Variants in ATP11C observed in about 807,000 individuals in gnomAD.
ATP11C encodes the protein ATPase phospholipid transporting 11C (ATP11C blood group), also known as phospholipid-transporting ATPase IG.
In ATP11C, 36 loss-of-function variants were observed where a neutral mutation model predicts 97.4. That is an observed-to-expected ratio of 0.37 (90% CI 0.28 to 0.49). The LOEUF is 0.49. Ranked by LOEUF, ATP11C falls within the 20% of genes least tolerant of loss-of-function variation. ATP11C has a pLI of 0.98. For missense variants in ATP11C, 730 were observed against 824.6 expected (o/e 0.89, Z 1.40); for synonymous variants, 275 against 290.9 (o/e 0.95, Z 0.56).
intron 12 of ATP11C, 49 bp from the exon 13 acceptor site, chrX:139,789,537 AT>A (rs1453681481): frequency 9.6e-7 from 1 of 1,042,003 alleles, no homozygotes; most frequent in Non-Finnish European, 1.3e-6. Context: ...AGTGTGACTA[AT>A]TTTTAGTTTG....
At chrX:139,845,972 T>C (rs1360500539) in intron 1 of ATP11C, among the ~76,000 whole-genome samples, 1 of 112,142 alleles carries the variant, frequency 8.9e-6, no homozygotes, top group Non-Finnish European at 1.9e-5. Context: ...ATCGCTCAGA[T>C]TGTTGTGTGG....
At chrX:139,747,527 G>C (rs1026614082) in intron 24 of ATP11C, among the ~76,000 whole-genome samples, 6 of 111,587 alleles carry the variant, frequency 5.4e-5, no homozygotes, top group African/African-American at 1.6e-4. Flanking sequence ...AGGTATACCA[G>C]AACCCTTTCT....
intron 5 of ATP11C, among the ~76,000 whole-genome samples, chrX:139,807,953 TAA>T (rs60059544): frequency 5.1e-4 from 39 of 76,803 alleles, no homozygotes; most frequent in Admixed American, 5.9e-4. Context: ...CCCTGTCTCT[TAA>T]AAAAAAAAAA....
At chrX:139,801,326 A>G (rs775532741) in intron 7 of ATP11C, among the ~76,000 whole-genome samples, 34 of 112,209 alleles carry the variant, frequency 3.0e-4, no homozygotes, top group Non-Finnish European at 5.8e-4. Context: ...AAGGTAGAGA[A>G]TAACTGTTAC....
At chrX:139,878,269 T>G (rs2148037026) in intron 1 of ATP11C, among the ~76,000 whole-genome samples, 1 of 111,707 alleles carries the variant, frequency 9.0e-6, no homozygotes. Flanking sequence ...TTGTACTCAA[T>G]AATTATTGTT....
At chrX:139,874,553 T>TG (rs2084436657) in intron 1 of ATP11C, among the ~76,000 whole-genome samples, 1 of 112,316 alleles carries the variant, frequency 8.9e-6, no homozygotes, top group East Asian at 2.8e-4. Flanking sequence ...CAAGTGAATG[T>TG]GTGTGGCTAG....
At chrX:139,855,487 A>C (rs906408644) in intron 1 of ATP11C, among the ~76,000 whole-genome samples, 20 of 111,589 alleles carry the variant, frequency 1.8e-4, no homozygotes, top group Non-Finnish European at 3.4e-4. Context: ...CTGTTCGTAC[A>C]GCAAAAAAGG....
intron 1 of ATP11C, among the ~76,000 whole-genome samples, chrX:139,859,576 T>C (rs1409901916): frequency 1.8e-5 from 2 of 112,057 alleles, no homozygotes; most frequent in Non-Finnish European, 3.8e-5. Context: ...TTCCTACAAC[T>C]AGACAAATAT....
At chrX:139,768,114 T>C (rs2082175149) in intron 20 of ATP11C, 146 bp downstream of exon 20, 2 of 378,502 alleles carry the variant, frequency 5.3e-6, no homozygotes, top group East Asian at 9.5e-5. Context: ...CTGAGTCTGA[T>C]TACAAAAAGA....
chrX:139,738,813 T>C (rs765134717), intron 27 of ATP11C, among the ~76,000 whole-genome samples: 2 of 110,286 alleles, frequency 1.8e-5, no homozygotes, highest in African/African-American at 6.6e-5. Context: ...GTGAAGCTAT[T>C]GTTCTTTGAA....
intron 1 of ATP11C, among the ~76,000 whole-genome samples, chrX:139,839,275 G>T (rs1019320749): frequency 3.6e-5 from 4 of 111,862 alleles, no homozygotes; most frequent in African/African-American, 1.3e-4. Context: ...CTTTTAAGGA[G>T]ATAAAAATGT....
intron 5 of ATP11C, among the ~76,000 whole-genome samples, chrX:139,804,870 T>C (rs910031120): frequency 1.2e-4 from 13 of 112,307 alleles, no homozygotes; most frequent in Non-Finnish European, 1.9e-5. Flanking sequence ...TGCTCTCTGA[T>C]ATTTCTTGCA....
At chrX:139,842,281 C>T (rs757801717) in intron 1 of ATP11C, among the ~76,000 whole-genome samples, 7 of 112,499 alleles carry the variant, frequency 6.2e-5, no homozygotes, top group Non-Finnish European at 9.4e-5. Flanking sequence ...ATCTGCCCAC[C>T]TCAGCCTCCC....
At chrX:139,841,687 A>G (rs2083833987) in intron 1 of ATP11C, among the ~76,000 whole-genome samples, 2 of 112,318 alleles carry the variant, frequency 1.8e-5, no homozygotes, top group Non-Finnish European at 3.8e-5. Context: ...CAACTAGAAC[A>G]CCTAAGTGGT....
rs1332675269 is a variant in ATP11C at position 139,932,158 on chromosome X, C to A, written c.-116G>T. ...GCGCCAAGCGGAGCAGCGAGGCGGG[C>A]GGCCGGGCCACCCGCTCGCCGCCTG... On this transcript the variant is annotated 5_prime_UTR_variant, in exon 1 of 30. Coordinates refer to ENST00000682941, the MANE Select transcript of ATP11C (RefSeq NM_001353812.2). 2 of 679,414 alleles carry A rather than the reference C, an allele frequency of 2.9e-6. No homozygotes were observed. The highest frequency in any genetic ancestry group is 2.4e-5 in the African/African-American group (1 of 42,252). 56.0% of individuals were successfully genotyped at this position (679,414 alleles called of 1,213,427 possible). A position where few individuals can be genotyped will look rare whatever the true frequency, so the allele number is the denominator to read the frequency against.
intron 1 of ATP11C, among the ~76,000 whole-genome samples, chrX:139,853,718 T>C (rs1375627447): frequency 3.7e-5 from 4 of 107,516 alleles, no homozygotes; most frequent in African/African-American, 1.4e-4. Context: ...GCAGATGGCC[T>C]AAATACATTC....
intron 24 of ATP11C, among the ~76,000 whole-genome samples, chrX:139,749,530 T>A (rs2081765361): frequency 8.9e-6 from 1 of 111,796 alleles, no homozygotes; most frequent in Admixed American, 9.5e-5. Context: ...ACAAAATGAA[T>A]ACAATGGCTT....
chrX:139,936,115 T>G (rs992078460), upstream of ATP11C, among the ~76,000 whole-genome samples: 2 of 111,209 alleles, frequency 1.8e-5, no homozygotes, highest in Non-Finnish European at 3.8e-5. Flanking sequence ...CTGGGCAACA[T>G]AGCAAGACCT....
chrX:139,894,091 T>C (rs1415007358), intron 1 of ATP11C, among the ~76,000 whole-genome samples: 5 of 111,676 alleles, frequency 4.5e-5, no homozygotes, highest in South Asian at 3.8e-4. Flanking sequence ...ATTATGAGAT[T>C]TTGCTGCTGG....
Sources: gnomAD v4.1 joint callset for allele counts (sites outside exome capture counted in the v4.1 genomes callset) on GRCh38, gnomAD v4.1.1 for gene constraint, MANE v1.5 for transcripts, NCBI Gene and HGNC (gene_info 2026-07-23, HGNC 2026-07-21) for gene names.